Variants in MYO7B observed in about 807,000 individuals in gnomAD.
MYO7B encodes the protein myosin VIIB.
A neutral mutation model predicts 259.7 loss-of-function variants in MYO7B; 212 were observed. The ratio of observed to expected loss-of-function variants is 0.82; its 90% confidence interval spans 0.73 to 0.91. The LOEUF is 0.91. MYO7B is among the 40% of genes least tolerant of loss of function. The probability of loss-of-function intolerance (pLI) is 0.00; values close to 1 mark genes in which losing one functional copy is unlikely to be tolerated. For missense variants in MYO7B, 2,732 were observed against 2,813.5 expected (o/e 0.97, Z 0.66); for synonymous variants, 1,197 against 1,166.4 (o/e 1.03, Z -0.54).
At chr2:127,548,975 T>C (rs1693341125) in intron 1 of MYO7B, among the ~76,000 whole-genome samples, 1 of 152,232 alleles carries the variant, frequency 6.6e-6, no homozygotes, top group Admixed American at 6.5e-5. Context: ...TTTGACACTT[T>C]CTTGGCAGGT....
intron 2 of MYO7B, among the ~76,000 whole-genome samples, chr2:127,562,832 A>T (rs1429856148): frequency 6.6e-6 from 1 of 152,144 alleles, no homozygotes; most frequent in Non-Finnish European, 1.5e-5. Flanking sequence ...CATGTTGGCC[A>T]GGCTGGTCTC....
intron 1 of MYO7B, among the ~76,000 whole-genome samples, chr2:127,557,587 C>T (rs1000259020): frequency 3.9e-5 from 6 of 152,240 alleles, no homozygotes; most frequent in East Asian, 1.9e-4. Flanking sequence ...TTTTGTCCCA[C>T]GGGGTGTTCC....
chr2:127,566,565 A>AGCCAAG lies in MYO7B; in HGVS notation c.286-61_286-56dup, dbSNP rs879596782. 1,285 of 1,391,072 alleles carry AGCCAAG rather than the reference A, an allele frequency of 9.2e-4. 2 individuals carry two copies. Among genetic ancestry groups the AGCCAAG allele is most frequent in the Admixed American group, 1.8e-3 (66 of 36,630 alleles). 86.2% of individuals were successfully genotyped at this position (1,391,072 alleles called of 1,614,324 possible). A position where few individuals can be genotyped will look rare whatever the true frequency, so the allele number is the denominator to read the frequency against. On this transcript the variant is annotated intron_variant, in intron 4 of 47. Transcript: ENST00000409816. ...CTGATAACCCCGAGGGCAGAGCCAG[A>AGCCAAG]GCCAAGGCCAAGGCCAAGGCCAGGG...
At chr2:127,566,980 C>T (rs767610855) in intron 5 of MYO7B, among the ~76,000 whole-genome samples, 153 bp downstream of exon 5, 28 of 152,316 alleles carry the variant, frequency 1.8e-4, no homozygotes, top group Middle Eastern at 6.8e-3. Flanking sequence ...CCCTGCACCC[C>T]GAGCAGTTCC....
Position 127,631,764 on chromosome 2 carries a change from G to A in MYO7B, c.5249+11G>A. The A allele has an allele frequency of 1.2e-6, 2 of 1,611,038 alleles. No homozygotes were observed. The highest frequency in any genetic ancestry group is 1.1e-5 in the South Asian group (1 of 90,884). Reference sequence around the variant, plus strand: ...GCACAACTCCAACAGGTCTGCTGGGGCGGCGGCCAGCCCACGCGGGCACCC... The same window carrying A: ...GCACAACTCCAACAGGTCTGCTGGGACGGCGGCCAGCCCACGCGGGCACCC... On this transcript the variant is annotated intron_variant, in intron 38 of 47. Coordinates refer to ENST00000409816, the MANE Select transcript of MYO7B (RefSeq NM_001393586.1).
intron 3 of MYO7B, 52 bp from the exon 4 acceptor site, chr2:127,565,181 G>C: frequency 6.3e-7 from 1 of 1,577,784 alleles, no homozygotes; most frequent in Non-Finnish European, 8.6e-7. Flanking sequence ...GTGGCAGGCT[G>C]GCCATGGGGA....
At chr2:127,635,047 G>A (rs146138547) in intron 42 of MYO7B, 73 bp from the exon 43 acceptor site, 10 of 1,225,442 alleles carry the variant, frequency 8.2e-6, no homozygotes, top group Admixed American at 5.7e-5. Flanking sequence ...GGCGCAGTGT[G>A]GGGGGTGGCA....
Position 127,581,893 on chromosome 2 carries a change from G to A in MYO7B, c.1083G>A (p.Val361=), listed in dbSNP as rs1679115301. 3.1e-6 allele frequency: 5 copies of A among 1,613,604 alleles called. No individual in the cohort carries two copies. Among genetic ancestry groups the A allele is most frequent in the African/African-American group, 2.7e-5 (2 of 74,940 alleles). ...GCAGCCCCCACCTGCCTCCCCAGGT[G>A]CAGCACCAGGAGCTCCGGGACTGTC... ...AFPTVMKLLE[V]QHQELRDCLI... is the part of the protein sequence containing the mutation. Residue 361 remains valine, a splice_region_variant and synonymous_variant, in exon 11 of 48, where the codon GTG becomes GTA. Transcript: ENST00000409816.
Position 127,635,109 on chromosome 2 carries a change from C to A in MYO7B, c.5714-11C>A. ...GGACAGGCTTGGTGCCCACTGCTGG[C>A]CCTCGCCCAGGGGCCCCCGTGACGC... is the stretch of plus-strand genomic sequence containing the variant. On this transcript the variant is annotated splice_polypyrimidine_tract_variant and intron_variant, in intron 42 of 47. Coordinates refer to ENST00000409816, the MANE Select transcript of MYO7B (RefSeq NM_001393586.1). The A allele has an allele frequency of 1.2e-6, 2 of 1,606,410 alleles. No homozygotes were observed. Among genetic ancestry groups the A allele is most frequent in the Non-Finnish European group, 1.7e-6 (2 of 1,176,386 alleles).
In MYO7B at chr2:127,581,902, G is replaced by A; in HGVS notation, c.1092G>A (p.Gln364=). The change falls in exon 11 of 48, where the codon CAG becomes CAA. Residue 364 remains glutamine, a synonymous_variant. Coordinates refer to ENST00000409816, the MANE Select transcript of MYO7B (RefSeq NM_001393586.1). ...TVMKLLEVQH[Q]ELRDCLIKHT... is the part of the protein sequence containing the mutation. ...ACCTGCCTCCCCAGGTGCAGCACCA[G>A]GAGCTCCGGGACTGTCTGATCAAGC... 6.2e-7 allele frequency: 1 copy of A among 1,613,804 alleles called. No homozygotes were observed.
intron 29 of MYO7B, 130 bp downstream of exon 29, chr2:127,623,505 CT>C: frequency 2.0e-6 from 2 of 985,392 alleles, no homozygotes; most frequent in Non-Finnish European, 2.9e-6. Context: ...CACAGCACTG[CT>C]TACCCTCCCA....
Position 127,607,243 on chromosome 2 carries a change from G to A in MYO7B, c.2462G>A (p.Arg821Gln), listed in dbSNP as rs377533883. Residue 821 changes from arginine (R) to glutamine (Q), a missense_variant, in exon 21 of 48, where the codon CGG (arginine) becomes CAG (glutamine). Physicochemically the swap from Arg to Gln is conservative, Grantham distance 43 (BLOSUM62 1). Coordinates refer to ENST00000409816, the MANE Select transcript of MYO7B (RefSeq NM_001393586.1). This position sits in a 1 kb window ranked among gnomAD's most constrained non-coding sequence, Gnocchi z 4.4. ...TTTGAGCGCCTGCAGGCTATTGCCC[G>A]GAGCCAGCCGCTGGCGAGGCAGTAC... ...VGFERLQAIA[R>Q]SQPLARQYQA... is the part of the protein sequence containing the mutation. The A allele has an allele frequency of 4.5e-5, 70 of 1,550,274 alleles. No individual in the cohort carries two copies. The African/African-American group carries it at 6.8e-4, about 15-fold the overall frequency.
At chr2:127,545,463 GA>G (rs1184579209) in intron 1 of MYO7B, among the ~76,000 whole-genome samples, 1 of 152,222 alleles carries the variant, frequency 6.6e-6, no homozygotes, top group East Asian at 1.9e-4. Context: ...TCAGTTGGGG[GA>G]CATTGGGAAG....
chr2:127,621,869 C>G, intron 27 of MYO7B, 113 bp from the exon 28 acceptor site: 2 of 1,486,452 alleles, frequency 1.3e-6, no homozygotes, highest in Non-Finnish European at 1.8e-6. Context: ...GAGGGTGCCC[C>G]TCAATGCACA....
At position 127,596,566 on chromosome 2, in the gene MYO7B, C is replaced by A; in HGVS notation, c.2339+10C>A. 6.2e-7 allele frequency: 1 copy of A among 1,603,760 alleles called. No homozygotes were observed. Among genetic ancestry groups the A allele is most frequent in the South Asian group, 1.1e-5 (1 of 89,074 alleles). On this transcript the variant is annotated intron_variant, in intron 19 of 47. Coordinates refer to ENST00000409816, the MANE Select transcript of MYO7B (RefSeq NM_001393586.1). The stretch of plus-strand genomic sequence containing the variant: ...GGGGCTACAGATACAGGTGCCGGCC[C>A]CACCCCAAGGCCCACCCAGCCTACT...
rs113040452 is a variant in MYO7B at position 127,625,230 on chromosome 2, G to A, written c.4048-138G>A. ...GTGGCCCAGTCAGGGCATGCAGGGA[G>A]GGGGAAGGTCCTGCCCGAGCCACAG... is the stretch of plus-strand genomic sequence containing the variant. On this transcript the variant is annotated intron_variant, in intron 30 of 47. Coordinates refer to ENST00000409816, the MANE Select transcript of MYO7B (RefSeq NM_001393586.1). 1.6e-5 allele frequency: 16 copies of A among 1,008,396 alleles called. No individual in the cohort carries two copies. The African/African-American group carries it at 1.7e-4, about 10-fold the overall frequency. The allele number at this position is 1,008,396 out of a possible 1,614,324, so 62.5% of individuals were successfully genotyped here.
chr2:127,578,660 C>T (rs578085123), intron 9 of MYO7B, among the ~76,000 whole-genome samples: 3 of 152,280 alleles, frequency 2.0e-5, no homozygotes, highest in Non-Finnish European at 4.4e-5. Flanking sequence ...CCCCAAGCAC[C>T]TAACGGCAGT....
chr2:127,561,405 C>T, intron 2 of MYO7B, among the ~76,000 whole-genome samples: 1 of 151,988 alleles, frequency 6.6e-6, no homozygotes, highest in Non-Finnish European at 1.5e-5. Flanking sequence ...ACTACAGGCA[C>T]CCACCACCAT....
In MYO7B at chr2:127,576,094, T is replaced by C. The variant is rs1228418369; in HGVS notation, c.736-501T>C. ...TGTGCCTGTGATCTTAGCTACTTGG[T>C]AGGCTGAGGTGGGAGGATGGCTTGA... On this transcript the variant is annotated intron_variant, in intron 7 of 47. Transcript: ENST00000409816. The surrounding 1 kb of genome is among the most constrained non-coding windows in gnomAD (Gnocchi z 4.9). Among the ~76,000 whole-genome samples the C allele has an allele frequency of 6.6e-6, 1 of 151,858 alleles. No homozygotes were observed. Among genetic ancestry groups the C allele is most frequent in the African/African-American group, 2.4e-5 (1 of 41,320 alleles).
Sources: allele counts gnomAD v4.1 joint callset (sites outside exome capture counted in the v4.1 genomes callset), GRCh38; gene constraint gnomAD v4.1.1; non-coding constraint Gnocchi (gnomAD v3.1); transcripts MANE v1.5; gene names NCBI Gene and HGNC (gene_info 2026-07-23, HGNC 2026-07-21).